The following CNNM3 variants were observed in gnomAD, a reference collection of about 807,000 sequenced individuals.
The protein encoded by CNNM3 is cyclin and CBS domain divalent metal cation transport mediator 3.
A neutral mutation model predicts 57.1 loss-of-function variants in CNNM3; 47 were observed. The ratio of observed to expected loss-of-function variants is 0.82; its 90% confidence interval spans 0.65 to 1.05. The LOEUF is 1.05. CNNM3 is among the 50% of genes least tolerant of loss of function. CNNM3 has a pLI of 0.00. For missense variants in CNNM3, 957 were observed against 973.7 expected, an observed-to-expected ratio of 0.98 and a Z score of 0.23; for synonymous variants, 507 against 478.2, an observed-to-expected ratio of 1.06 and a Z score of -0.79.
In CNNM3 at chr2:96,826,826, A is replaced by G; in HGVS notation, c.1370-7A>G. ...ATGCCTGAGCGCGCCCTCTTCTTCC[A>G]TCTTAGGAGACACCGTGGTGAAGAG... On this transcript the variant is annotated splice_region_variant and splice_polypyrimidine_tract_variant and intron_variant, in intron 2 of 7. Transcript: ENST00000305510. 1 of 1,614,072 alleles carries G rather than the reference A, an allele frequency of 6.2e-7. No homozygotes were observed. The highest frequency in any genetic ancestry group is 8.5e-7 in the Non-Finnish European group (1 of 1,179,988).
At position 96,833,379 on chromosome 2, in the gene CNNM3, G is replaced by A. The variant is rs1230016211; in HGVS notation, c.*763G>A. 1.2e-5 allele frequency: 3 copies of A among 241,672 alleles called. No individual in the cohort carries two copies. Among genetic ancestry groups the A allele is most frequent in the African/African-American group, 6.9e-5 (3 of 43,526 alleles). 15.0% of individuals were successfully genotyped at this position (241,672 alleles called of 1,614,324 possible). A position where few individuals can be genotyped will look rare whatever the true frequency, so the allele number is the denominator to read the frequency against. Reference sequence around the variant, plus strand: ...AGAAGAGGTCATGCCTGGGAGGAAGGGATCGTCATGCTGCATCGAATCCTC... The same window carrying A: ...AGAAGAGGTCATGCCTGGGAGGAAGAGATCGTCATGCTGCATCGAATCCTC... On this transcript the variant is annotated 3_prime_UTR_variant, in exon 8 of 8. Transcript: ENST00000305510.
chr2:96,817,397 G>A lies in CNNM3; in HGVS notation c.1120G>A (p.Glu374Lys). Residue 374 changes from glutamate (E) to lysine (K), a missense_variant, in exon 1 of 8, where the codon GAA becomes AAA. Physicochemically the swap from Glu to Lys is moderately conservative, Grantham distance 56 (BLOSUM62 1). Coordinates refer to ENST00000305510, the MANE Select transcript of CNNM3 (RefSeq NM_017623.5). ...YLKDLAFVDP[E>K]DCTPLSTITR... ...CAAGGACTTGGCCTTCGTGGATCCC[G>A]AAGACTGCACGCCGCTCAGCACCAT... The A allele has an allele frequency of 6.2e-7, 1 of 1,614,124 alleles. No homozygotes were observed. Among genetic ancestry groups the A allele is most frequent in the Non-Finnish European group, 8.5e-7 (1 of 1,180,024 alleles).
rs960425645 is a variant in CNNM3, at chr2:96,829,078, AG to A, written c.2005del (p.Val669LeufsTer61). ...CAGTCCCCTGAGAACACCGACCTGC[AG>A]GTTATTCCAGGCAGCCAGACCAGGC... is the stretch of plus-strand genomic sequence containing the variant. ...LPQSPENTDL[Q>X]VIPGSQTRLL... On this transcript the variant is annotated frameshift_variant, in exon 7 of 8. Transcript: ENST00000305510. LOFTEE classifies it high-confidence loss of function. The A allele has an allele frequency of 1.2e-5, 19 of 1,613,854 alleles. No homozygotes were observed. The highest frequency in any genetic ancestry group is 1.4e-5 in the Non-Finnish European group (17 of 1,180,018).
intron 2 of CNNM3, 148 bp downstream of exon 2, chr2:96,825,349 GGCAGAGAGCCCCCTT>G (rs1184042333): frequency 4.1e-6 from 4 of 968,906 alleles, no homozygotes; most frequent in Admixed American, 2.9e-5. Flanking sequence ...CATGGGTGCT[GGCAGAGAGCCCCCTT>G]GCAGGAGGGC....
rs933999320 is a variant in CNNM3 at position 96,816,615 on chromosome 2, A to T, written c.338A>T (p.His113Leu). The change falls in exon 1 of 8, where the codon CAC becomes CTC. Residue 113 changes from histidine to leucine, a missense_variant. Transcript: ENST00000305510. ...LRLRAEAVRP[H>L]SALLAVRVEP... ...CTGCGGGCCGAGGCCGTGCGCCCGCACTCGGCGCTGCTGGCGGTGCGCGTG... is the reference window on the plus strand; with the variant it reads ...CTGCGGGCCGAGGCCGTGCGCCCGCTCTCGGCGCTGCTGGCGGTGCGCGTG... 1 of 1,178,216 alleles carries T rather than the reference A, an allele frequency of 8.5e-7. No individual in the cohort carries two copies. Among genetic ancestry groups the T allele is most frequent in the African/African-American group, 1.6e-5 (1 of 61,872 alleles). 73.0% of individuals were successfully genotyped at this position (1,178,216 alleles called of 1,614,324 possible).
intron 1 of CNNM3, among the ~76,000 whole-genome samples, chr2:96,821,128 G>C (rs948297568): frequency 6.6e-6 from 1 of 152,124 alleles, no homozygotes; most frequent in Non-Finnish European, 1.5e-5. Flanking sequence ...TGACTTCCCC[G>C]CTCCTGTGGT....
At chr2:96,822,855 A>G (rs2079431062) in intron 1 of CNNM3, among the ~76,000 whole-genome samples, 2 of 152,142 alleles carry the variant, frequency 1.3e-5, no homozygotes, top group South Asian at 2.1e-4. Context: ...TTGGCATTCA[A>G]ATAATTGGGG....
intron 5 of CNNM3, 103 bp downstream of exon 5, chr2:96,828,298 A>G: frequency 1.0e-6 from 1 of 962,848 alleles, no homozygotes; most frequent in Admixed American, 2.1e-5. Flanking sequence ...CTCTCCTTCC[A>G]CCTGAGCCCA....
rs77076462 is a variant in CNNM3, at chr2:96,833,165, C to T, written c.*549C>T. Reference sequence around the variant, plus strand: ...TGATGGTGTCATGTTTCAGCGCATGCGCCCCAGCCTTTCCCATGTGCCAAA... The same window carrying T: ...TGATGGTGTCATGTTTCAGCGCATGTGCCCCAGCCTTTCCCATGTGCCAAA... On this transcript the variant is annotated 3_prime_UTR_variant, in exon 8 of 8. Coordinates refer to ENST00000305510, the MANE Select transcript of CNNM3 (RefSeq NM_017623.5). 3.2e-3 allele frequency: 1,548 copies of T among 488,650 alleles called. 21 individuals carry two copies. The highest frequency in any genetic ancestry group is 0.028 in the African/African-American group (1,402 of 49,864). The allele number at this position is 488,650 out of a possible 1,614,324, so 30.3% of individuals were successfully genotyped here. A position where few individuals can be genotyped will look rare whatever the true frequency, so the allele number is the denominator to read the frequency against.
chr2:96,816,515 GC>G lies in CNNM3; in HGVS notation c.242del (p.Pro81ArgfsTer76), dbSNP rs1339406761. 4 of 1,395,978 alleles carry G rather than the reference GC, an allele frequency of 2.9e-6. No individual in the cohort carries two copies. Among genetic ancestry groups the G allele is most frequent in the Non-Finnish European group, 1.9e-6 (2 of 1,073,174 alleles). 86.5% of individuals were successfully genotyped at this position (1,395,978 alleles called of 1,614,324 possible). A position where few individuals can be genotyped will look rare whatever the true frequency, so the allele number is the denominator to read the frequency against. The stretch of plus-strand genomic sequence containing the variant: ...CGCCAACAGCTCTTGGTCCTGGGTG[GC>G]CCCGGAGGGGGCGGGCTGCCGGGAG... ...GFANSSWSWV[A>X]PEGAGCREEA... On this transcript the variant is annotated frameshift_variant, in exon 1 of 8. Transcript: ENST00000305510. LOFTEE classifies it high-confidence loss of function.
chr2:96,816,894 A>AGGCGGCGCT lies in CNNM3; in HGVS notation c.623_631dup (p.Ala208_Ala210dup), dbSNP rs2079328630. On this transcript the variant is annotated inframe_insertion, in exon 1 of 8. Coordinates refer to ENST00000305510, the MANE Select transcript of CNNM3 (RefSeq NM_017623.5). The stretch of plus-strand genomic sequence containing the variant: ...CTGCTGCTGCTGGCCAGCCTGGCGC[A>AGGCGGCGCT]GGCGGCGCTGGCGGTGCTGCTGTAC... The AGGCGGCGCT allele has an allele frequency of 8.9e-7, 1 of 1,119,950 alleles. No homozygotes were observed. Among genetic ancestry groups the AGGCGGCGCT allele is most frequent in the Non-Finnish European group, 1.1e-6 (1 of 919,844 alleles). 69.4% of individuals were successfully genotyped at this position (1,119,950 alleles called of 1,614,324 possible).
rs760570294 is a variant in CNNM3, at chr2:96,829,117, A to C, written c.2042A>C (p.Lys681Thr). The C allele has an allele frequency of 7.4e-6, 12 of 1,613,770 alleles. No homozygotes were observed. In the East Asian group the frequency reaches 2.7e-4, roughly 36 times the overall value. The part of the protein sequence containing the change: ...PGSQTRLLGE[K>T]TTTAAGSSHS... ...AGCCAGACCAGGCTCCTTGGTGAGA[A>C]GACCACCACAGCGGCAGGTGAGTGC... Residue 681 changes from lysine to threonine, a missense_variant, in exon 7 of 8, where the codon AAG (lysine) becomes ACG (threonine). By Grantham distance (78) the Lys-to-Thr change is moderately conservative. Transcript: ENST00000305510.
chr2:96,828,958 T>C (rs756063823), intron 6 of CNNM3, 38 bp from the exon 7 acceptor site: 7 of 1,606,816 alleles, frequency 4.4e-6, no homozygotes, highest in Middle Eastern at 1.7e-4. Flanking sequence ...TGCATCTCGC[T>C]TCACCAATTG....
In CNNM3 at chr2:96,818,167, C is replaced by CT. The variant is rs200063327; in HGVS notation, c.1225+668dup. Among the ~76,000 whole-genome samples, 976 of 152,278 alleles carry CT rather than the reference C, an allele frequency of 6.4e-3. 11 individuals are homozygous for CT. Among genetic ancestry groups the CT allele is most frequent in the African/African-American group, 0.022 (905 of 41,546 alleles). ...AGTGGCCGATCTCTTATCACTGCAA[C>CT]TTTCGCCTCCCAGGTTCAAGCAGTT... On this transcript the variant is annotated intron_variant, in intron 1 of 7. Transcript: ENST00000305510.
chr2:96,821,006 AACAG>A (rs1424701630), intron 1 of CNNM3, among the ~76,000 whole-genome samples: 3 of 152,116 alleles, frequency 2.0e-5, no homozygotes, highest in African/African-American at 7.2e-5. Context: ...CTCTGCTTGA[AACAG>A]ACCTTTCTAA....
chr2:96,821,565 C>T (rs777790040), intron 1 of CNNM3, among the ~76,000 whole-genome samples: 12 of 152,160 alleles, frequency 7.9e-5, no homozygotes, highest in Non-Finnish European at 1.2e-4. Context: ...TTTGTGCAGA[C>T]GTCACCAGGA....
intron 1 of CNNM3, among the ~76,000 whole-genome samples, chr2:96,819,621 G>A (rs1319715373): frequency 6.6e-6 from 1 of 152,192 alleles, no homozygotes; most frequent in Non-Finnish European, 1.5e-5. Flanking sequence ...TAGGGAAAAA[G>A]TGGAAGACTG....
chr2:96,836,075 TC>T (rs1259685688), downstream of CNNM3, among the ~76,000 whole-genome samples: 1 of 113,448 alleles, frequency 8.8e-6, no homozygotes, highest in Non-Finnish European at 1.7e-5. Context: ...TTTTCACCCC[TC>T]CCCCTCCCCC....
intron 1 of CNNM3, among the ~76,000 whole-genome samples, chr2:96,822,676 A>T (rs2153354177): frequency 6.6e-6 from 1 of 152,306 alleles, no homozygotes; most frequent in South Asian, 2.1e-4. Context: ...GATTGCCATG[A>T]TGCGGAAAAG....
Sources: allele counts gnomAD v4.1 joint callset (sites outside exome capture counted in the v4.1 genomes callset), GRCh38; gene constraint gnomAD v4.1.1; transcripts MANE v1.5; gene names NCBI Gene and HGNC (gene_info 2026-07-23, HGNC 2026-07-21).